Variants in USP40 observed in about 807,000 individuals in gnomAD.
The protein encoded by USP40 is ubiquitin specific peptidase 40.
Under a neutral mutation model 166.2 loss-of-function variants are expected in USP40, and 143 were observed. The observed-to-expected ratio is 0.86, with a 90% CI of 0.75 to 0.99. The LOEUF (loss-of-function observed/expected upper bound fraction) is 0.99, where lower values mean the gene tolerates loss of function less well. USP40 is among the 50% of genes least tolerant of loss of function. The pLI, the probability that USP40 is intolerant of heterozygous loss-of-function variation, is 0.00. For missense variants in USP40, 1,444 were observed against 1,479.7 expected, an observed-to-expected ratio of 0.98 and a Z score of 0.40; for synonymous variants, 498 against 524.0, an observed-to-expected ratio of 0.95 and a Z score of 0.68.
At chr2:233,494,826 A>G (rs2065568382) in intron 24 of USP40, among the ~76,000 whole-genome samples, 1 of 85,864 alleles carries the variant, frequency 1.2e-5, no homozygotes, top group African/African-American at 4.5e-5. Context: ...ATCCTTTCTA[A>G]AAAAAAAAAA....
chr2:233,505,213 C>G (rs957328126), intron 21 of USP40, among the ~76,000 whole-genome samples: 3 of 151,976 alleles, frequency 2.0e-5, no homozygotes, highest in Non-Finnish European at 4.4e-5. Flanking sequence ...GGGAAGTTCA[C>G]AGCAATAGAT....
chr2:233,524,244 C>T (rs1354219875), intron 15 of USP40, among the ~76,000 whole-genome samples: 1 of 152,102 alleles, frequency 6.6e-6, no homozygotes, highest in Non-Finnish European at 1.5e-5. Context: ...ATTCGCCTGC[C>T]TCAGCCTCCC....
intron 3 of USP40, among the ~76,000 whole-genome samples, chr2:233,562,480 C>G (rs1193152380): frequency 6.6e-6 from 1 of 151,012 alleles, no homozygotes; most frequent in Non-Finnish European, 1.5e-5. Flanking sequence ...AAACCAAACA[C>G]CACATATTCT....
chr2:233,500,336 T>C (rs2065993811), intron 21 of USP40, among the ~76,000 whole-genome samples: 1 of 152,220 alleles, frequency 6.6e-6, no homozygotes, highest in African/African-American at 2.4e-5. Flanking sequence ...CTTCTCTTTA[T>C]GACTGTCTGA....
At chr2:233,533,382 A>G in intron 11 of USP40, 97 bp downstream of exon 11, 1 of 1,278,158 alleles carries the variant, frequency 7.8e-7, no homozygotes, top group Non-Finnish European at 1.1e-6. Flanking sequence ...TTCCAAGAGT[A>G]AACCTTTTTT....
intron 21 of USP40, among the ~76,000 whole-genome samples, chr2:233,509,435 A>T (rs2066644537): frequency 1.3e-5 from 2 of 152,236 alleles, no homozygotes; most frequent in South Asian, 4.1e-4. Context: ...GGTAGGATAA[A>T]GAATAATGAT....
Position 233,551,438 on chromosome 2 carries a change from A to G in USP40, c.775T>C (p.Tyr259His). The G allele has an allele frequency of 6.2e-7, 1 of 1,612,984 alleles. No individual in the cohort carries two copies. Among genetic ancestry groups the G allele is most frequent in the Non-Finnish European group, 8.5e-7 (1 of 1,179,460 alleles). The change falls in exon 7 of 32, where the codon TAC (tyrosine) becomes CAC (histidine). Residue 259 changes from tyrosine (Y) to histidine (H), a missense_variant. Transcript: ENST00000678225. ...FNFDFVKCER[Y>H]KETSCYTFPL... Reference sequence around the variant, plus strand: ...AATGTATAACAGCTAGTTTCCTTGTAGCGTTCGCATTTCACAAAATCAAAA... The same window carrying G: ...AATGTATAACAGCTAGTTTCCTTGTGGCGTTCGCATTTCACAAAATCAAAA...
chr2:233,481,535 C>T, intron 30 of USP40: 1 of 527,050 alleles, frequency 1.9e-6, no homozygotes, highest in Non-Finnish European at 3.4e-6. Flanking sequence ...CCTTCAGCTC[C>T]AGAAGCTTCC....
At chr2:233,520,809 T>C (rs1219904074) in intron 17 of USP40, among the ~76,000 whole-genome samples, 182 bp downstream of exon 17, 1 of 152,174 alleles carries the variant, frequency 6.6e-6, no homozygotes, top group Non-Finnish European at 1.5e-5. Flanking sequence ...ACGTATTTTC[T>C]TGAAATATGC....
intron 24 of USP40, 121 bp downstream of exon 24, chr2:233,496,636 AG>A: frequency 1.8e-6 from 1 of 566,988 alleles, no homozygotes; most frequent in Non-Finnish European, 2.9e-6. Context: ...ATTTGGGGAA[AG>A]TTCTCCCTTC....
At position 233,551,498 on chromosome 2, in the gene USP40, G is replaced by A; in HGVS notation, c.715C>T (p.Pro239Ser). The change falls in exon 7 of 32, where the codon CCT becomes TCT. Residue 239 changes from proline (P) to serine (S), a missense_variant. By Grantham distance (74) the Pro-to-Ser change is moderately conservative. Transcript: ENST00000678225. The stretch of plus-strand genomic sequence containing the variant: ...AGTAATGAAACAGTAAGAAAAGGAG[G>A]CAGCTTACGTAATTTGGCCGACTGT... ...AAKSAKLRKL[P>S]PFLTVSLLRF... 1 of 1,601,072 alleles carries A rather than the reference G, an allele frequency of 6.2e-7. No individual in the cohort carries two copies. Among genetic ancestry groups the A allele is most frequent in the South Asian group, 1.1e-5 (1 of 87,468 alleles).
At chr2:233,523,990 C>T (rs757758917) in intron 15 of USP40, among the ~76,000 whole-genome samples, 2 of 152,206 alleles carry the variant, frequency 1.3e-5, no homozygotes, top group Non-Finnish European at 2.9e-5. Context: ...TAGCATCTGA[C>T]GCACAACCTG....
chr2:233,553,528 C>T (rs2070772603), intron 6 of USP40, among the ~76,000 whole-genome samples: 1 of 152,080 alleles, frequency 6.6e-6, no homozygotes, highest in Non-Finnish European at 1.5e-5. Flanking sequence ...TTCAGAAATG[C>T]CAAAGTGCTG....
chr2:233,520,917 T>A, intron 17 of USP40, 74 bp downstream of exon 17: 1 of 1,502,820 alleles, frequency 6.7e-7, no homozygotes, highest in Non-Finnish European at 9.0e-7. Context: ...TCTGAAAGAT[T>A]AAGGTATTGT....
intron 23 of USP40, among the ~76,000 whole-genome samples, chr2:233,498,037 T>C (rs1388161796): frequency 1.3e-5 from 2 of 152,210 alleles, no homozygotes; most frequent in Non-Finnish European, 2.9e-5. Context: ...ATCATGCTAT[T>C]TGGACCAACA....
chr2:233,482,289 G>A (rs552020912), intron 30 of USP40, among the ~76,000 whole-genome samples: 6 of 152,050 alleles, frequency 3.9e-5, no homozygotes, highest in South Asian at 2.1e-4. Flanking sequence ...ACTTGAACTC[G>A]GGAGGTGGAG....
At chr2:233,477,538 A>ATGAGCTGCCTTCCCCTGCTT (rs764966752) in intron 31 of USP40, 35 bp from the exon 32 acceptor site, 34 of 1,575,696 alleles carry the variant, frequency 2.2e-5, no homozygotes, top group Non-Finnish European at 2.7e-5. Context: ...TGACTCATGG[A>ATGAGCTGCCTTCCCCTGCTT]TGCAGTGGGT....
chr2:233,508,950 T>C (rs2066613295), intron 21 of USP40, among the ~76,000 whole-genome samples: 1 of 152,230 alleles, frequency 6.6e-6, no homozygotes, highest in African/African-American at 2.4e-5. Flanking sequence ...CTCAATCTCT[T>C]TGATGATTCC....
chr2:233,486,020 C>T lies in USP40; in HGVS notation c.3198-43G>A, dbSNP rs557010889. The T allele has an allele frequency of 1.3e-6, 2 of 1,528,542 alleles. No individual in the cohort carries two copies. Among genetic ancestry groups the T allele is most frequent in the South Asian group, 1.3e-5 (1 of 79,910 alleles). 94.7% of individuals were successfully genotyped at this position (1,528,542 alleles called of 1,614,324 possible). A position where few individuals can be genotyped will look rare whatever the true frequency, so the allele number is the denominator to read the frequency against. On this transcript the variant is annotated intron_variant, in intron 28 of 31. Coordinates refer to ENST00000678225, the MANE Select transcript of USP40 (RefSeq NM_001365479.2). The surrounding 1 kb of genome is among the most constrained non-coding windows in gnomAD (Gnocchi z 4.0). ...CAAGCGCCAGATCCAAACAAACAAA[C>T]AAAACCACGTGGTAACTTGAGGCAT...
Sources: allele counts gnomAD v4.1 joint callset (sites outside exome capture counted in the v4.1 genomes callset), GRCh38; gene constraint gnomAD v4.1.1; non-coding constraint Gnocchi (gnomAD v3.1); transcripts MANE v1.5; gene names NCBI Gene and HGNC (gene_info 2026-07-23, HGNC 2026-07-21).